The following KCNAB1 variants were observed in gnomAD, a reference collection of about 807,000 sequenced individuals.
KCNAB1 encodes the protein potassium voltage-gated channel subfamily A regulatory beta subunit 1, also known as voltage-gated potassium channel subunit beta-1.
Under a neutral mutation model 64.6 loss-of-function variants are expected in KCNAB1, and 35 were observed. The observed-to-expected ratio is 0.54, with a 90% CI of 0.41 to 0.72. KCNAB1 has a LOEUF of 0.72. Ranked by LOEUF, KCNAB1 falls within the 30% of genes least tolerant of loss-of-function variation. The pLI, the probability that KCNAB1 is intolerant of heterozygous loss-of-function variation, is 0.00. For missense variants in KCNAB1, 401 were observed against 512.9 expected, an observed-to-expected ratio of 0.78 and a Z score of 2.11; for synonymous variants, 177 against 183.8, an observed-to-expected ratio of 0.96 and a Z score of 0.30.
At chr3:156,362,381 A>G (rs1725671842) in intron 1 of KCNAB1, among the ~76,000 whole-genome samples, 2 of 152,242 alleles carry the variant, frequency 1.3e-5, no homozygotes, top group African/African-American at 4.8e-5. Flanking sequence ...GAACTTGATC[A>G]ACATCTGATT....
chr3:156,464,667 C>G (rs1358724535), intron 6 of KCNAB1, among the ~76,000 whole-genome samples: 1 of 151,986 alleles, frequency 6.6e-6, no homozygotes, highest in Non-Finnish European at 1.5e-5. Flanking sequence ...AACACATACT[C>G]TATTTTGTTG....
intron 1 of KCNAB1, among the ~76,000 whole-genome samples, chr3:156,211,213 C>G (rs981889465): frequency 6.6e-6 from 1 of 152,106 alleles, no homozygotes; most frequent in Non-Finnish European, 1.5e-5. Context: ...ATACCTTATT[C>G]TGGGGAACTA....
At chr3:156,500,282 A>C (rs1406690193) in intron 8 of KCNAB1, among the ~76,000 whole-genome samples, 6 of 152,198 alleles carry the variant, frequency 3.9e-5, no homozygotes, top group African/African-American at 1.4e-4. Context: ...AGCAGAGTGG[A>C]GGGTTAGACA....
chr3:156,428,490 C>CACACACAT (rs1715980286), intron 2 of KCNAB1, among the ~76,000 whole-genome samples: 1 of 97,324 alleles, frequency 1.0e-5, no homozygotes, highest in African/African-American at 3.6e-5. Context: ...TTCCTCTATA[C>CACACACAT]ACACACACAC....
intron 1 of KCNAB1, among the ~76,000 whole-genome samples, chr3:156,334,403 T>A (rs1024468837): frequency 6.6e-6 from 1 of 152,200 alleles, no homozygotes; most frequent in Admixed American, 6.5e-5. Context: ...GGAACCACCT[T>A]GGAAGGGCCT....
chr3:156,528,174 C>CAAA (rs3085733), intron 12 of KCNAB1, among the ~76,000 whole-genome samples: 13,827 of 140,554 alleles, frequency 0.098, 716 homozygotes, highest in Middle Eastern at 0.16. Context: ...ATAATGCAGT[C>CAAA]AAAAAAAAAA....
At chr3:156,199,568 A>T (rs1445168566) in intron 1 of KCNAB1, among the ~76,000 whole-genome samples, 1 of 151,976 alleles carries the variant, frequency 6.6e-6, no homozygotes, top group African/African-American at 2.4e-5. Flanking sequence ...CATTAAGTTG[A>T]TCTTCAGTCT....
At chr3:156,335,821 C>A (rs1723660658) in intron 1 of KCNAB1, among the ~76,000 whole-genome samples, 1 of 148,262 alleles carries the variant, frequency 6.7e-6, no homozygotes, top group Admixed American at 6.7e-5. Flanking sequence ...ACAGTGCTAA[C>A]TGTCAAAGTG....
At chr3:156,342,610 T>TTTTTTTTTTTTTTTTCA (rs1724214562) in intron 1 of KCNAB1, among the ~76,000 whole-genome samples, 1 of 68,280 alleles carries the variant, frequency 1.5e-5, no homozygotes, top group African/African-American at 1.1e-4. Flanking sequence ...TTTTTTTTAA[T>TTTTTTTTTTTTTTTTCA]TTTTTTTTTT....
intron 1 of KCNAB1, among the ~76,000 whole-genome samples, chr3:156,199,918 C>T (rs1466656267): frequency 6.6e-6 from 1 of 152,178 alleles, no homozygotes; most frequent in Admixed American, 6.5e-5. Context: ...TTGAAATTTT[C>T]ATCACTTTTG....
At chr3:156,314,076 C>T (rs1471237520) in intron 1 of KCNAB1, among the ~76,000 whole-genome samples, 1 of 152,238 alleles carries the variant, frequency 6.6e-6, no homozygotes, top group African/African-American at 2.4e-5. Flanking sequence ...GGCATATAAA[C>T]CTCTTATCTG....
intron 1 of KCNAB1, among the ~76,000 whole-genome samples, chr3:156,135,883 G>A (rs1005498444): frequency 7.9e-5 from 12 of 152,158 alleles, no homozygotes; most frequent in African/African-American, 2.9e-4. Flanking sequence ...TGCTTTCTGA[G>A]TAGGCACTTA....
intron 1 of KCNAB1, among the ~76,000 whole-genome samples, chr3:156,233,225 A>C (rs539565148): frequency 2.6e-5 from 4 of 152,334 alleles, no homozygotes; most frequent in Admixed American, 2.6e-4. Context: ...TAACAATTTA[A>C]ATATGTAACA....
At chr3:156,228,768 A>G (rs573220167) in intron 1 of KCNAB1, among the ~76,000 whole-genome samples, 12 of 152,334 alleles carry the variant, frequency 7.9e-5, no homozygotes, top group Non-Finnish European at 1.5e-4. Context: ...GACAGCCACT[A>G]TGTGATTCTC....
intron 1 of KCNAB1, chr3:156,176,034 A>C (rs1712347522): frequency 1.3e-6 from 1 of 790,490 alleles, no homozygotes; most frequent in African/African-American, 1.7e-5. Context: ...TTTTGCTTCC[A>C]TCAGGTGACC....
At chr3:156,225,402 G>T (rs112855024) in intron 1 of KCNAB1, among the ~76,000 whole-genome samples, 9 of 152,234 alleles carry the variant, frequency 5.9e-5, no homozygotes, top group African/African-American at 2.2e-4. Context: ...AGCAAAATCG[G>T]CATAGAAGGG....
intron 1 of KCNAB1, among the ~76,000 whole-genome samples, chr3:156,219,667 TAA>T (rs1223093199): frequency 6.6e-6 from 1 of 151,714 alleles, no homozygotes; most frequent in African/African-American, 2.4e-5. Context: ...TCAGGTTATC[TAA>T]AGTCAAAAGC....
chr3:156,133,981 A>T (rs140876964), intron 1 of KCNAB1, among the ~76,000 whole-genome samples: 1 of 152,246 alleles, frequency 6.6e-6, no homozygotes, highest in African/African-American at 2.4e-5. Flanking sequence ...GACTGATAAC[A>T]TTTCTAAATG....
At chr3:156,332,191 A>T (rs770264517) in intron 1 of KCNAB1, among the ~76,000 whole-genome samples, 1 of 152,168 alleles carries the variant, frequency 6.6e-6, no homozygotes, top group Non-Finnish European at 1.5e-5. Context: ...TCTGGGCTTT[A>T]TGTGTTTGAA....
Sources: gnomAD v4.1 joint callset for allele counts (sites outside exome capture counted in the v4.1 genomes callset) on GRCh38, gnomAD v4.1.1 for gene constraint, MANE v1.5 for transcripts, NCBI Gene and HGNC (gene_info 2026-07-23, HGNC 2026-07-21) for gene names.